CNTNAP2: variants seen among roughly 807,000 people sequenced by gnomAD.
CNTNAP2 encodes contactin-associated protein-like 2.
Under a neutral mutation model 155.2 loss-of-function variants are expected in CNTNAP2, and 98 were observed. The observed-to-expected ratio is 0.63, with a 90% CI of 0.54 to 0.75. The LOEUF (loss-of-function observed/expected upper bound fraction) is 0.75, where lower values mean the gene tolerates loss of function less well. CNTNAP2 is among the 30% of genes least tolerant of loss of function. CNTNAP2 has a pLI of 0.00. For missense variants in CNTNAP2, 1,727 were observed against 1,688.1 expected (o/e 1.02, Z -0.40); for synonymous variants, 651 against 631.2 (o/e 1.03, Z -0.47).
chr7:147,730,979 C>A (rs111605803), intron 13 of CNTNAP2, among the ~76,000 whole-genome samples: 2 of 152,000 alleles, frequency 1.3e-5, no homozygotes, highest in Non-Finnish European at 2.9e-5. Flanking sequence ...GAGCAAGGCC[C>A]TAACTCTCTT....
chr7:146,136,562 C>A (rs1157534546), intron 1 of CNTNAP2, among the ~76,000 whole-genome samples: 3 of 152,038 alleles, frequency 2.0e-5, no homozygotes, highest in African/African-American at 7.2e-5. Flanking sequence ...CGTGGAGGGG[C>A]ACCAGGGGTG....
At chr7:146,851,331 A>T (rs371462776) in intron 3 of CNTNAP2, among the ~76,000 whole-genome samples, 28 of 152,174 alleles carry the variant, frequency 1.8e-4, no homozygotes, top group African/African-American at 6.3e-4. Context: ...GATCTTACCT[A>T]AGGTCACAGA....
intron 3 of CNTNAP2, among the ~76,000 whole-genome samples, chr7:146,869,428 G>T (rs1795264858): frequency 6.6e-6 from 1 of 152,048 alleles, no homozygotes; most frequent in Non-Finnish European, 1.5e-5. Flanking sequence ...TTTTGTATTA[G>T]TCAGGATTCT....
chr7:148,266,869 CAT>C (rs1168582703), intron 20 of CNTNAP2, among the ~76,000 whole-genome samples, 162 bp from the exon 21 acceptor site: 1 of 152,176 alleles, frequency 6.6e-6, no homozygotes, highest in South Asian at 2.1e-4. Context: ...CAAAGGAAGA[CAT>C]GGGTTTCCAT....
chr7:147,029,657 A>G (rs1798991125), intron 3 of CNTNAP2, among the ~76,000 whole-genome samples: 1 of 152,172 alleles, frequency 6.6e-6, no homozygotes, highest in South Asian at 2.1e-4. Flanking sequence ...ATTTTGAAGA[A>G]ACATTACCTG....
At chr7:148,368,752 G>A (rs183673574) in intron 21 of CNTNAP2, among the ~76,000 whole-genome samples, 1 of 152,286 alleles carries the variant, frequency 6.6e-6, no homozygotes. Context: ...GTGTGAGAGG[G>A]TCGTGATCTA....
At chr7:146,556,555 T>C (rs1309980738) in intron 1 of CNTNAP2, among the ~76,000 whole-genome samples, 1 of 152,084 alleles carries the variant, frequency 6.6e-6, no homozygotes, top group African/African-American at 2.4e-5. Context: ...AATATTCTGA[T>C]CATAACACCT....
chr7:147,572,195 G>GAGAC (rs10646833), intron 12 of CNTNAP2, among the ~76,000 whole-genome samples: 67,831 of 151,616 alleles, frequency 0.45, 15,323 homozygotes, highest in East Asian at 0.61. Flanking sequence ...CCTCATTCCA[G>GAGAC]AGCTTCTGCC....
chr7:148,216,597 G>A (rs901774803), intron 18 of CNTNAP2, among the ~76,000 whole-genome samples: 9 of 152,080 alleles, frequency 5.9e-5, no homozygotes, highest in African/African-American at 2.2e-4. Context: ...CTGACAATTC[G>A]TTCCTTGGTC....
chr7:146,279,641 A>G (rs1800218706), intron 1 of CNTNAP2, among the ~76,000 whole-genome samples: 1 of 152,096 alleles, frequency 6.6e-6, no homozygotes, highest in Non-Finnish European at 1.5e-5. Flanking sequence ...CCACATGAAT[A>G]AGACATAAAA....
chr7:146,848,805 C>G (rs1794813990), intron 3 of CNTNAP2, among the ~76,000 whole-genome samples: 1 of 152,190 alleles, frequency 6.6e-6, no homozygotes, highest in Admixed American at 6.5e-5. Flanking sequence ...CAGAATCTCG[C>G]TCTGTTGCCC....
chr7:146,803,957 A>C (rs147017662), intron 2 of CNTNAP2, among the ~76,000 whole-genome samples: 102 of 152,320 alleles, frequency 6.7e-4, no homozygotes, highest in African/African-American at 2.3e-3. Context: ...AGGTGGTAGG[A>C]AAGTTTAATT....
intron 13 of CNTNAP2, among the ~76,000 whole-genome samples, chr7:147,712,904 T>A (rs982752952): frequency 5.9e-5 from 9 of 151,758 alleles, no homozygotes; most frequent in African/African-American, 1.4e-4. Flanking sequence ...AATAAAAAAA[T>A]TTTTAAAAAT....
intron 1 of CNTNAP2, among the ~76,000 whole-genome samples, chr7:146,549,856 C>A (rs1798088159): frequency 1.3e-5 from 2 of 152,008 alleles, no homozygotes; most frequent in African/African-American, 4.8e-5. Flanking sequence ...TCCAACACAA[C>A]CATATATCAA....
intron 8 of CNTNAP2, among the ~76,000 whole-genome samples, chr7:147,141,593 C>T (rs1801599048): frequency 2.6e-5 from 4 of 151,972 alleles, no homozygotes; most frequent in Admixed American, 2.6e-4. Context: ...TCACCAGGGC[C>T]CCTTTCAGCT....
intron 1 of CNTNAP2, among the ~76,000 whole-genome samples, chr7:146,298,198 A>T (rs913674773): frequency 7.2e-5 from 11 of 152,140 alleles, no homozygotes; most frequent in Non-Finnish European, 1.3e-4. Flanking sequence ...TGCAAGTTGA[A>T]TGTGGTTTTT....
intron 3 of CNTNAP2, among the ~76,000 whole-genome samples, chr7:147,008,029 C>T (rs908302181): frequency 1.3e-5 from 2 of 152,094 alleles, no homozygotes; most frequent in African/African-American, 4.8e-5. Context: ...TACATTATTG[C>T]ATATCAACAC....
intron 8 of CNTNAP2, among the ~76,000 whole-genome samples, chr7:147,225,834 G>T (rs866050767): frequency 3.3e-4 from 27 of 81,688 alleles, no homozygotes; most frequent in African/African-American, 1.3e-3. Context: ...AAAGAAGGAA[G>T]GAAGGAGGGA....
At chr7:146,556,296 C>G (rs1798197480) in intron 1 of CNTNAP2, among the ~76,000 whole-genome samples, 2 of 152,004 alleles carry the variant, frequency 1.3e-5, no homozygotes, top group African/African-American at 2.4e-5. Flanking sequence ...GGATTGCATC[C>G]CAGACAGACA....
Sources: gnomAD v4.1 joint callset for allele counts (sites outside exome capture counted in the v4.1 genomes callset) on GRCh38, gnomAD v4.1.1 for gene constraint, MANE v1.5 for transcripts, NCBI Gene and HGNC (gene_info 2026-07-23, HGNC 2026-07-21) for gene names.